KCNAB1: variants seen among roughly 807,000 people sequenced by gnomAD.
KCNAB1 encodes the protein potassium voltage-gated channel subfamily A regulatory beta subunit 1.
In KCNAB1, 35 loss-of-function variants were observed where a neutral mutation model predicts 64.6. The observed-to-expected ratio is 0.54, with a 90% confidence interval of 0.41 to 0.72. The LOEUF is 0.72. Ranked by LOEUF, KCNAB1 falls within the 30% of genes least tolerant of loss-of-function variation. The probability of loss-of-function intolerance (pLI) is 0.00; values close to 1 mark genes in which losing one functional copy is unlikely to be tolerated. For synonymous variants in KCNAB1, 177 were observed against 183.8 expected, an observed-to-expected ratio of 0.96 and a Z score of 0.30; for missense variants, 401 against 512.9, an observed-to-expected ratio of 0.78 and a Z score of 2.11.
At chr3:156,460,108 G>A in intron 5 of KCNAB1, 1 of 441,172 alleles carries the variant, frequency 2.3e-6, no homozygotes, top group South Asian at 4.6e-5. Context: ...AGAGAAGGGG[G>A]GGATGTTCAT....
At chr3:156,233,761 C>T (rs913764700) in intron 1 of KCNAB1, among the ~76,000 whole-genome samples, 61 of 151,830 alleles carry the variant, frequency 4.0e-4, no homozygotes, top group Non-Finnish European at 2.9e-4. Context: ...CAGTAAAGAG[C>T]TGGGAAGACT....
chr3:156,460,680 A>C (rs762690224), intron 5 of KCNAB1: 3 of 152,250 alleles, frequency 2.0e-5, no homozygotes, highest in African/African-American at 7.2e-5. Context: ...TAATGATATT[A>C]GTGAAGACAA....
At chr3:156,482,410 G>T (rs1714887662) in intron 8 of KCNAB1, among the ~76,000 whole-genome samples, 2 of 151,372 alleles carry the variant, frequency 1.3e-5, no homozygotes, top group Non-Finnish European at 2.9e-5. Flanking sequence ...TTCTTGTTGG[G>T]GAGACAGACA....
chr3:156,157,537 C>T (rs1715793819), intron 1 of KCNAB1, among the ~76,000 whole-genome samples: 1 of 152,126 alleles, frequency 6.6e-6, no homozygotes, highest in Admixed American at 6.5e-5. Flanking sequence ...TTATAGTGCT[C>T]CCTTTGTTTT....
chr3:156,177,398 A>AGGG (rs1712455375), intron 1 of KCNAB1, among the ~76,000 whole-genome samples: 1 of 152,158 alleles, frequency 6.6e-6, no homozygotes, highest in South Asian at 2.1e-4. Flanking sequence ...TTTATTTGAG[A>AGGG]GGGAGTCTCT....
intron 12 of KCNAB1, among the ~76,000 whole-genome samples, chr3:156,524,543 C>G (rs188687432): frequency 9.2e-5 from 14 of 151,898 alleles, no homozygotes; most frequent in African/African-American, 2.4e-4. Flanking sequence ...GTCAGGAGAT[C>G]GAGACCATCC....
At chr3:156,152,083 G>A in intron 1 of KCNAB1, among the ~76,000 whole-genome samples, 1 of 152,204 alleles carries the variant, frequency 6.6e-6, no homozygotes, top group East Asian at 1.9e-4. Flanking sequence ...CAACGACTGT[G>A]TCTCCCACAG....
intron 1 of KCNAB1, among the ~76,000 whole-genome samples, chr3:156,329,019 T>C (rs1053224147): frequency 6.6e-6 from 1 of 152,172 alleles, no homozygotes; most frequent in Non-Finnish European, 1.5e-5. Context: ...TGAGTTCTTT[T>C]CTAAGTGGGA....
chr3:156,505,025 T>A lies in KCNAB1; in HGVS notation c.659-9339T>A, dbSNP rs76584091. Among the ~76,000 whole-genome samples the A allele has an allele frequency of 9.4e-3, 1,426 of 152,308 alleles. 59 individuals are homozygous for A. The highest frequency in any genetic ancestry group is 0.074 in the Admixed American group (1,127 of 15,304). ...TTTCCCCTGTTTTCTTCTAGTAGTG[T>A]CATAGCTTCAGGTCAGGTCTTACAT... On this transcript the variant is annotated intron_variant, in intron 8 of 13. Transcript: ENST00000490337.
chr3:156,420,379 G>A (rs1299881963), intron 1 of KCNAB1, among the ~76,000 whole-genome samples: 1 of 152,200 alleles, frequency 6.6e-6, no homozygotes, highest in African/African-American at 2.4e-5. Context: ...GCATTTTTAT[G>A]CATTTTTTAT....
intron 1 of KCNAB1, among the ~76,000 whole-genome samples, chr3:156,218,824 A>AT (rs1258730197): frequency 2.4e-4 from 35 of 147,782 alleles, no homozygotes; most frequent in African/African-American, 7.1e-4. Flanking sequence ...ATAAAATAAA[A>AT]ATAAATAAAT....
rs34671816 is a variant in KCNAB1, at chr3:156,338,303, CTTTTTTTT to C, written c.276-83293_276-83286del. Among the ~76,000 whole-genome samples the C allele has an allele frequency of 2.3e-3, 91 of 39,498 alleles. 2 individuals are homozygous for C. The highest frequency in any genetic ancestry group is 0.013 in the South Asian group (11 of 820). 25.9% of individuals were successfully genotyped at this position (39,498 alleles called of 152,430 possible). On this transcript the variant is annotated intron_variant, in intron 1 of 13. Transcript: ENST00000490337. ...TCTTATACTTTCTTTGGCATTTGCACTTTTTTTTTTTTTTTTTTTTTTTTTTTACAGAG... is the reference window on the plus strand; with the variant it reads ...TCTTATACTTTCTTTGGCATTTGCACTTTTTTTTTTTTTTTTTTTACAGAG...
At chr3:156,182,625 T>A (rs938998434) in intron 1 of KCNAB1, among the ~76,000 whole-genome samples, 5 of 146,730 alleles carry the variant, frequency 3.4e-5, no homozygotes, top group Non-Finnish European at 6.1e-5. Context: ...GGTTGGTTTT[T>A]TTTTCCCCCC....
chr3:156,468,784 C>T (rs1713631681), intron 7 of KCNAB1, among the ~76,000 whole-genome samples: 1 of 152,194 alleles, frequency 6.6e-6, no homozygotes. Context: ...AAGTGACAAC[C>T]TTCTAGCCCT....
At chr3:156,310,660 C>T (rs975272929) in intron 1 of KCNAB1, among the ~76,000 whole-genome samples, 15 of 152,022 alleles carry the variant, frequency 9.9e-5, no homozygotes, top group Admixed American at 5.2e-4. Context: ...AAAAATTAGC[C>T]GGGCGGGGTG....
chr3:156,483,589 A>G (rs1321003620), intron 8 of KCNAB1, among the ~76,000 whole-genome samples: 1 of 152,124 alleles, frequency 6.6e-6, no homozygotes, highest in Non-Finnish European at 1.5e-5. Flanking sequence ...ATGTCTCACA[A>G]GCTACTTGCA....
At chr3:156,341,394 G>C (rs970171047) in intron 1 of KCNAB1, among the ~76,000 whole-genome samples, 2 of 152,186 alleles carry the variant, frequency 1.3e-5, no homozygotes, top group African/African-American at 4.8e-5. Flanking sequence ...AGTAAACTCA[G>C]TTCTTACCAC....
intron 1 of KCNAB1, among the ~76,000 whole-genome samples, chr3:156,344,374 T>G (rs1263948330): frequency 6.6e-6 from 1 of 152,210 alleles, no homozygotes; most frequent in Non-Finnish European, 1.5e-5. Flanking sequence ...GCCATTTTCC[T>G]GTTCTGAAAG....
intron 7 of KCNAB1, among the ~76,000 whole-genome samples, chr3:156,468,385 ATAAT>A (rs1381363289): frequency 1.3e-5 from 2 of 152,070 alleles, no homozygotes; most frequent in African/African-American, 4.8e-5. Flanking sequence ...ATATGCCATA[ATAAT>A]TAAATCACCC....
Sources: allele counts gnomAD v4.1 joint callset (sites outside exome capture counted in the v4.1 genomes callset), GRCh38; gene constraint gnomAD v4.1.1; transcripts MANE v1.5; gene names NCBI Gene and HGNC (gene_info 2026-07-23, HGNC 2026-07-21).